The following SPATA16 variants were observed in gnomAD, a reference collection of about 807,000 sequenced individuals.
SPATA16 encodes the protein spermatogenesis associated 16, also known as spermatogenesis-associated protein 16.
SPATA16 carries 36 observed loss-of-function variants against 63.3 expected under a neutral mutation model. The ratio of observed to expected loss-of-function variants is 0.57; its 90% CI spans 0.44 to 0.75. SPATA16 has a LOEUF of 0.75. SPATA16 is among the 30% of genes least tolerant of loss of function. SPATA16 has a pLI of 0.00. For synonymous variants in SPATA16, 203 were observed against 216.7 expected (o/e 0.94, Z 0.56); for missense variants, 646 against 679.3 (o/e 0.95, Z 0.54).
Position 172,916,510 on chromosome 3 carries a change from G to A in SPATA16, c.1339-29C>T, listed in dbSNP as rs866222940. 1.1e-5 allele frequency: 17 copies of A among 1,612,906 alleles called. 1 individual carries two copies. In the Middle Eastern group the frequency reaches 2.0e-3, roughly 188 times the overall value. On this transcript the variant is annotated intron_variant, in intron 8 of 10. Coordinates refer to ENST00000351008, the MANE Select transcript of SPATA16 (RefSeq NM_031955.6). Reference sequence around the variant, plus strand: ...GTCTCAAAGTAAAAGAAATGTTTTAGAACAAAACCACGGAAATAGACCTCT... The same window carrying A: ...GTCTCAAAGTAAAAGAAATGTTTTAAAACAAAACCACGGAAATAGACCTCT...
chr3:173,014,046 CAG>C (rs1245113419), intron 4 of SPATA16, among the ~76,000 whole-genome samples: 1 of 152,062 alleles, frequency 6.6e-6, no homozygotes, highest in East Asian at 1.9e-4. Context: ...GAACTTAAAA[CAG>C]AGCCACCATT....
intron 10 of SPATA16, among the ~76,000 whole-genome samples, chr3:172,894,070 G>A (rs775685086): frequency 1.1e-4 from 16 of 152,124 alleles, no homozygotes; most frequent in South Asian, 2.1e-4. Flanking sequence ...ATGGGAATGT[G>A]TTTTCAGTGA....
intron 5 of SPATA16, 75 bp from the exon 6 acceptor site, chr3:172,956,899 C>A (rs1028117645): frequency 1.3e-6 from 2 of 1,546,370 alleles, no homozygotes; most frequent in African/African-American, 1.4e-5. Flanking sequence ...AATATAATTA[C>A]CTTTATGGAT....
chr3:173,063,171 A>G (rs528124018), intron 2 of SPATA16, among the ~76,000 whole-genome samples: 2 of 152,316 alleles, frequency 1.3e-5, no homozygotes, highest in South Asian at 4.1e-4. Flanking sequence ...TCTATATATC[A>G]CTAGAGTAGC....
chr3:172,964,044 A>C (rs549417131), intron 5 of SPATA16, among the ~76,000 whole-genome samples: 1 of 152,312 alleles, frequency 6.6e-6, no homozygotes, highest in Admixed American at 6.5e-5. Context: ...AGAAACAAAC[A>C]GACCACATCA....
chr3:172,900,381 C>T (rs190421059), intron 10 of SPATA16, among the ~76,000 whole-genome samples: 58 of 152,204 alleles, frequency 3.8e-4, no homozygotes, highest in African/African-American at 1.3e-3. Flanking sequence ...TGATGTATCC[C>T]GGTATAAATT....
chr3:173,138,208 GA>G (rs1166863066), intron 1 of SPATA16, among the ~76,000 whole-genome samples: 1 of 152,020 alleles, frequency 6.6e-6, no homozygotes, highest in Non-Finnish European at 1.5e-5. Flanking sequence ...ATTTAATTGA[GA>G]ACCAGTGGGA....
chr3:172,982,892 G>A (rs959044380), intron 4 of SPATA16, among the ~76,000 whole-genome samples: 1 of 152,084 alleles, frequency 6.6e-6, no homozygotes. Context: ...TTTCTACTCA[G>A]TGTGGCCACA....
chr3:172,975,273 A>G (rs1734127424), intron 5 of SPATA16, among the ~76,000 whole-genome samples: 1 of 152,188 alleles, frequency 6.6e-6, no homozygotes, highest in South Asian at 2.1e-4. Context: ...GAAACTTCCA[A>G]GGTCTTACTT....
intron 4 of SPATA16, among the ~76,000 whole-genome samples, chr3:173,015,620 G>A (rs1197187340): frequency 2.0e-5 from 3 of 152,056 alleles, no homozygotes; most frequent in Admixed American, 6.5e-5. Flanking sequence ...TATTGATATA[G>A]CTGAATGGTT....
At chr3:173,115,465 A>C (rs1737870560) in intron 2 of SPATA16, among the ~76,000 whole-genome samples, 1 of 152,210 alleles carries the variant, frequency 6.6e-6, no homozygotes, top group Admixed American at 6.5e-5. Flanking sequence ...CGAAGGCTGC[A>C]GAGCTTTAGC....
chr3:173,054,217 G>GATAT (rs1736163353), intron 2 of SPATA16, among the ~76,000 whole-genome samples: 1 of 151,978 alleles, frequency 6.6e-6, no homozygotes, highest in Non-Finnish European at 1.5e-5. Context: ...GGATGTAACT[G>GATAT]ACATACATAC....
chr3:173,131,246 TCAAA>T (rs1738377589), intron 1 of SPATA16, among the ~76,000 whole-genome samples: 1 of 152,182 alleles, frequency 6.6e-6, no homozygotes, highest in Admixed American at 6.5e-5. Flanking sequence ...AATACATCGT[TCAAA>T]CAGTTACACG....
intron 5 of SPATA16, among the ~76,000 whole-genome samples, chr3:172,971,179 A>T (rs1230513005): frequency 6.6e-6 from 1 of 152,186 alleles, no homozygotes; most frequent in Non-Finnish European, 1.5e-5. Flanking sequence ...AGCCTAAAAG[A>T]TCTATTGGAA....
At chr3:173,053,376 C>T (rs1560108070) in intron 2 of SPATA16, among the ~76,000 whole-genome samples, 1 of 151,272 alleles carries the variant, frequency 6.6e-6, no homozygotes, top group Non-Finnish European at 1.5e-5. Context: ...GATTCAGTCT[C>T]TAATAATAAT....
intron 4 of SPATA16, among the ~76,000 whole-genome samples, chr3:173,004,225 T>C (rs1734889862): frequency 6.6e-6 from 1 of 152,174 alleles, no homozygotes; most frequent in South Asian, 2.1e-4. Context: ...GCCTGATCTT[T>C]GTCAGTGTTA....
At chr3:172,979,262 A>C (rs1400562949) in intron 4 of SPATA16, among the ~76,000 whole-genome samples, 1 of 152,146 alleles carries the variant, frequency 6.6e-6, no homozygotes, top group Admixed American at 6.5e-5. Context: ...AAAATAGTCC[A>C]ATGCCAGTGT....
chr3:173,092,184 T>C (rs1737241797), intron 2 of SPATA16, among the ~76,000 whole-genome samples: 1 of 151,852 alleles, frequency 6.6e-6, no homozygotes, highest in Admixed American at 6.6e-5. Context: ...GACCCAGGAG[T>C]TTCTATCTCT....
intron 5 of SPATA16, among the ~76,000 whole-genome samples, chr3:172,959,170 G>A (rs967349450): frequency 2.6e-5 from 4 of 152,182 alleles, no homozygotes; most frequent in Non-Finnish European, 5.9e-5. Flanking sequence ...AGAAGAAAAC[G>A]CTCTCTCCAC....
Sources: gnomAD v4.1 joint callset for allele counts (sites outside exome capture counted in the v4.1 genomes callset) on GRCh38, gnomAD v4.1.1 for gene constraint, MANE v1.5 for transcripts, NCBI Gene and HGNC (gene_info 2026-07-23, HGNC 2026-07-21) for gene names.